Variants in PCDHGA1 observed in about 807,000 individuals in gnomAD.
The protein encoded by PCDHGA1 is protocadherin gamma subfamily A, 1, also known as protocadherin gamma-A1.
PCDHGA1 carries 32 observed loss-of-function variants against 58.0 expected under a neutral mutation model. The observed-to-expected ratio is 0.55, with a 90% CI of 0.42 to 0.74. The LOEUF (loss-of-function observed/expected upper bound fraction) is 0.74, where lower values mean the gene tolerates loss of function less well. PCDHGA1 is among the 30% of genes least tolerant of loss of function. The pLI, the probability that PCDHGA1 is intolerant of heterozygous loss-of-function variation, is 0.00. For synonymous variants in PCDHGA1, 498 were observed against 501.1 expected (o/e 0.99, Z 0.08); for missense variants, 1,205 against 1,182.3 (o/e 1.02, Z -0.28).
In PCDHGA1 at chr5:141,347,012, C is replaced by CCTCTCTCTTTCCTCCTTCCTTCCTTCCT. The variant is rs1554073351; in HGVS notation, c.2421+13936_2421+13963dup. On this transcript the variant is annotated intron_variant, in intron 1 of 3. Transcript: ENST00000517417. ...TTTTTTTCTTTCTCCTTCCTTCCTTCCTCTCTCTTTCCTCCTTCCTTCCTT... is the reference window on the plus strand; with the variant it reads ...TTTTTTTCTTTCTCCTTCCTTCCTTCCTCTCTCTTTCCTCCTTCCTTCCTTCCTCTCTCTCTTTCCTCCTTCCTTCCTT... Among the ~76,000 whole-genome samples, 282 of 150,860 alleles carry CCTCTCTCTTTCCTCCTTCCTTCCTTCCT rather than the reference C, an allele frequency of 1.9e-3. 2 individuals carry two copies. Among genetic ancestry groups the CCTCTCTCTTTCCTCCTTCCTTCCTTCCT allele is most frequent in the Admixed American group, 5.1e-3 (77 of 15,066 alleles).
At chr5:141,463,844 G>T (rs545618795) in intron 1 of PCDHGA1, among the ~76,000 whole-genome samples, 1 of 152,140 alleles carries the variant, frequency 6.6e-6, no homozygotes, top group African/African-American at 2.4e-5. Context: ...AGTTGTTATA[G>T]TGGTATATCT....
At position 141,364,340 on chromosome 5, in the gene PCDHGA1, C is replaced by G. The variant is rs750695410; in HGVS notation, c.2421+31235C>G. The G allele has an allele frequency of 4.6e-6, 7 of 1,534,518 alleles. No individual in the cohort carries two copies. The highest frequency in any genetic ancestry group is 6.1e-6 in the Non-Finnish European group (7 of 1,144,800). On this transcript the variant is annotated intron_variant, in intron 1 of 3. Coordinates refer to ENST00000517417, the MANE Select transcript of PCDHGA1 (RefSeq NM_018912.3). The stretch of plus-strand genomic sequence containing the variant: ...GGGCAGAGAGAAGGCAATGGCGAGT[C>G]CACCTAGGGGCTGGGGCTGCGGAGA...
rs376395066 is a variant in PCDHGA1 at position 141,490,681 on chromosome 5, C to G, written c.2422-4126C>G. On this transcript the variant is annotated intron_variant, in intron 1 of 3. Transcript: ENST00000517417. The surrounding 1 kb of genome is among the most constrained non-coding windows in gnomAD (Gnocchi z 5.4). ...TCTTTGCACTGTGGCTGCCTCAGATCCAGACACTGGGGATAATGCCCGCCT... is the reference window on the plus strand; with the variant it reads ...TCTTTGCACTGTGGCTGCCTCAGATGCAGACACTGGGGATAATGCCCGCCT... 2.5e-6 allele frequency: 4 copies of G among 1,613,998 alleles called. No homozygotes were observed. In the African/African-American group the frequency reaches 4.0e-5, roughly 16 times the overall value.
At chr5:141,421,192 C>G (rs758345796) in intron 1 of PCDHGA1, 22 of 1,491,716 alleles carry the variant, frequency 1.5e-5, no homozygotes, top group Non-Finnish European at 1.9e-5. Flanking sequence ...AACCAACCAG[C>G]TCGAGAAACC....
At chr5:141,398,910 G>A (rs1465229535) in intron 1 of PCDHGA1, 1 of 1,613,972 alleles carries the variant, frequency 6.2e-7, no homozygotes, top group South Asian at 1.1e-5. Flanking sequence ...GCACCACTGT[G>A]TTGCAAGTGT....
At chr5:141,427,192 A>T (rs1191677237) in intron 1 of PCDHGA1, 1 of 456,566 alleles carries the variant, frequency 2.2e-6, no homozygotes. Context: ...AAATCCAAAG[A>T]CTTAATAGAC....
chr5:141,451,007 T>A (rs2098704118), intron 1 of PCDHGA1, among the ~76,000 whole-genome samples: 1 of 151,594 alleles, frequency 6.6e-6, no homozygotes, highest in Non-Finnish European at 1.5e-5. Flanking sequence ...TTGTATTTTT[T>A]TTAGTAGAGA....
At chr5:141,368,370 TA>T (rs1332977748) in intron 1 of PCDHGA1, among the ~76,000 whole-genome samples, 7 of 152,116 alleles carry the variant, frequency 4.6e-5, no homozygotes, top group African/African-American at 7.2e-5. Flanking sequence ...TACACACATA[TA>T]TATACACACA....
intron 1 of PCDHGA1, chr5:141,364,730 C>A: frequency 1.9e-6 from 3 of 1,613,838 alleles, no homozygotes; most frequent in South Asian, 1.1e-5. Flanking sequence ...CCCGCGTTTC[C>A]GGGATGAAGA....
rs374857095 is a variant in PCDHGA1, at chr5:141,409,142, A to G, written c.2421+76037A>G. 6 of 1,613,904 alleles carry G rather than the reference A, an allele frequency of 3.7e-6. No individual in the cohort carries two copies. In the African/African-American group the frequency reaches 6.7e-5, roughly 18 times the overall value. ...GTCATTTGATTTTGAAGATGTAGAA[A>G]GGTACACCATGGAAGTGGAAGCGAA... is the stretch of plus-strand genomic sequence containing the variant. On this transcript the variant is annotated intron_variant, in intron 1 of 3. Coordinates refer to ENST00000517417, the MANE Select transcript of PCDHGA1 (RefSeq NM_018912.3).
At chr5:141,351,637 G>A in intron 1 of PCDHGA1, 1 of 1,614,028 alleles carries the variant, frequency 6.2e-7, no homozygotes, top group Non-Finnish European at 8.5e-7. Context: ...ACGTGTCTGA[G>A]AACAACCCAC....
At chr5:141,404,841 G>C (rs765291212) in intron 1 of PCDHGA1, 4 of 1,613,886 alleles carry the variant, frequency 2.5e-6, no homozygotes, top group African/African-American at 1.3e-5. Context: ...CGCACAGCTC[G>C]GGCCCTGCTA....
Position 141,485,716 on chromosome 5 carries a change from T to C in PCDHGA1, c.2422-9091T>C. Reference sequence around the variant, plus strand: ...GCTCCAATGAACACTTTGCACTGGATGTGAAGAAGCGCAGCGACGGCAGCC... The same window carrying C: ...GCTCCAATGAACACTTTGCACTGGACGTGAAGAAGCGCAGCGACGGCAGCC... On this transcript the variant is annotated intron_variant, in intron 1 of 3. Coordinates refer to ENST00000517417, the MANE Select transcript of PCDHGA1 (RefSeq NM_018912.3). The surrounding 1 kb of genome is among the most constrained non-coding windows in gnomAD (Gnocchi z 5.7). The C allele has an allele frequency of 6.2e-7, 1 of 1,614,044 alleles. No individual in the cohort carries two copies. Among genetic ancestry groups the C allele is most frequent in the Non-Finnish European group, 8.5e-7 (1 of 1,180,002 alleles).
chr5:141,470,671 C>T (rs2099236433), intron 1 of PCDHGA1, among the ~76,000 whole-genome samples: 1 of 152,064 alleles, frequency 6.6e-6, no homozygotes, highest in African/African-American at 2.4e-5. Context: ...TAGGGCTCTG[C>T]TGTTACCATC....
intron 2 of PCDHGA1, among the ~76,000 whole-genome samples, chr5:141,503,685 G>A (rs1171934407): frequency 2.6e-5 from 4 of 151,882 alleles, no homozygotes; most frequent in African/African-American, 9.7e-5. Context: ...TTGGGAAGGA[G>A]AATTGAGATT....
At chr5:141,415,344 G>A in intron 1 of PCDHGA1, 15 of 1,614,238 alleles carry the variant, frequency 9.3e-6, no homozygotes, top group Non-Finnish European at 1.3e-5. Flanking sequence ...TGCGGCGCTG[G>A]CACAAGTCAC....
At chr5:141,447,647 T>C (rs1338920727) in intron 1 of PCDHGA1, among the ~76,000 whole-genome samples, 1 of 152,092 alleles carries the variant, frequency 6.6e-6, no homozygotes, top group African/African-American at 2.4e-5. Flanking sequence ...GATGGTAGAA[T>C]TTTCCCCCCC....
intron 1 of PCDHGA1, among the ~76,000 whole-genome samples, chr5:141,336,812 A>G (rs978847431): frequency 3.3e-5 from 5 of 152,226 alleles, no homozygotes; most frequent in Non-Finnish European, 5.9e-5. Context: ...GTTAAAAACT[A>G]TATGCAGCAA....
At chr5:141,402,212 A>C (rs1282581389) in intron 1 of PCDHGA1, among the ~76,000 whole-genome samples, 1 of 152,138 alleles carries the variant, frequency 6.6e-6, no homozygotes, top group Non-Finnish European at 1.5e-5. Flanking sequence ...ACAAAAATTT[A>C]AAATAAACGT....
Sources: gnomAD v4.1 joint callset for allele counts (sites outside exome capture counted in the v4.1 genomes callset) on GRCh38, gnomAD v4.1.1 for gene constraint, Gnocchi (gnomAD v3.1) non-coding constraint, MANE v1.5 for transcripts, NCBI Gene and HGNC (gene_info 2026-07-23, HGNC 2026-07-21) for gene names.